FANCB: variants seen among roughly 807,000 people sequenced by gnomAD.
The protein encoded by FANCB is FA complementation group B.
FANCB carries 5 observed loss-of-function variants against 38.9 expected under a neutral mutation model. The observed-to-expected ratio is 0.13, with a 90% CI of 0.07 to 0.27. FANCB has a LOEUF of 0.27. FANCB is among the 10% of genes least tolerant of loss of function. The pLI, the probability that FANCB is intolerant of heterozygous loss-of-function variation, is 1.00. For synonymous variants in FANCB, 236 were observed against 215.4 expected (o/e 1.10, Z -0.84); for missense variants, 573 against 602.7 (o/e 0.95, Z 0.52).
the FANCB span, among the ~76,000 whole-genome samples, chrX:14,703,032 T>C: frequency 9.0e-6 from 1 of 111,458 alleles, no homozygotes; most frequent in Non-Finnish European, 1.9e-5. Context: ...CATGGGACCT[T>C]ATAAGTGCAA....
At chrX:14,772,925 C>T in the FANCB span, among the ~76,000 whole-genome samples, 1 of 111,347 alleles carries the variant, frequency 9.0e-6, no homozygotes, top group African/African-American at 3.3e-5. Flanking sequence ...GGTGGGAGTT[C>T]CTTTGGCTCC....
At chrX:14,694,811 G>A in the FANCB span, among the ~76,000 whole-genome samples, 2 of 112,355 alleles carry the variant, frequency 1.8e-5, no homozygotes, top group East Asian at 5.6e-4. Context: ...TGCTTTGGAG[G>A]TAAAACCAAT....
chrX:14,822,809 C>A, the FANCB span, among the ~76,000 whole-genome samples: 1 of 111,395 alleles, frequency 9.0e-6, no homozygotes, highest in Non-Finnish European at 1.9e-5. Context: ...TTCCTATTAA[C>A]TTTATTTCTA....
the FANCB span, among the ~76,000 whole-genome samples, chrX:14,826,954 C>G: frequency 9.0e-6 from 1 of 111,486 alleles, no homozygotes; most frequent in African/African-American, 3.3e-5. Flanking sequence ...CTGATAGGCA[C>G]ATCCCTTCCT....
chrX:14,813,484 C>A, the FANCB span, among the ~76,000 whole-genome samples: 1 of 111,639 alleles, frequency 9.0e-6, no homozygotes, highest in South Asian at 3.7e-4. Flanking sequence ...GATACAAAAT[C>A]AATGTACAAA....
chrX:14,804,718 C>G, the FANCB span, among the ~76,000 whole-genome samples: 1 of 112,107 alleles, frequency 8.9e-6, no homozygotes, highest in Non-Finnish European at 1.9e-5. Context: ...ACATCTTCTA[C>G]CTTCAAATGC....
the FANCB span, among the ~76,000 whole-genome samples, chrX:14,809,952 C>A: frequency 1.8e-5 from 2 of 112,012 alleles, no homozygotes; most frequent in African/African-American, 6.5e-5. Context: ...CAGACTGACA[C>A]CTCACACGGC....
At chrX:14,831,639 C>T (rs988566566), downstream of FANCB, among the ~76,000 whole-genome samples, 3 of 110,708 alleles carry the variant, frequency 2.7e-5, no homozygotes, top group African/African-American at 9.9e-5. Flanking sequence ...CTAGATGACA[C>T]CATACCTTGC....
At chrX:14,863,630 T>TA (rs2092455801) in intron 3 of FANCB, among the ~76,000 whole-genome samples, 1 of 111,877 alleles carries the variant, frequency 8.9e-6, no homozygotes, top group Non-Finnish European at 1.9e-5. Context: ...TTTCCAAACT[T>TA]AAAAAAGTGA....
At chrX:14,696,144 AG>A in the FANCB span, among the ~76,000 whole-genome samples, 1 of 102,466 alleles carries the variant, frequency 9.8e-6, no homozygotes, top group African/African-American at 3.5e-5. Context: ...GGAAGAAGGA[AG>A]GAAGAAAGAA....
the FANCB span, among the ~76,000 whole-genome samples, chrX:14,784,199 G>A: frequency 1.8e-5 from 2 of 112,357 alleles, no homozygotes; most frequent in Non-Finnish European, 3.8e-5. Context: ...AACAAGAAGC[G>A]AAACTCAGTC....
the FANCB span, among the ~76,000 whole-genome samples, chrX:14,761,776 C>T: frequency 9.0e-6 from 1 of 111,420 alleles, no homozygotes; most frequent in Admixed American, 9.5e-5. Flanking sequence ...CCACAAGTAT[C>T]ATCACTTTCC....
the FANCB span, among the ~76,000 whole-genome samples, chrX:14,710,304 TAAGAGGGA>T: frequency 9.0e-6 from 1 of 111,711 alleles, no homozygotes; most frequent in African/African-American, 3.3e-5. Context: ...AATTGAGCAG[TAAGAGGGA>T]AGAGGGGAAA....
At chrX:14,780,830 A>T in the FANCB span, among the ~76,000 whole-genome samples, 3 of 107,668 alleles carry the variant, frequency 2.8e-5, no homozygotes, top group African/African-American at 1.1e-4. Context: ...TTTTCCAACC[A>T]TTAAAAAAAT....
At chrX:14,730,385 C>T in the FANCB span, 16 of 1,203,571 alleles carry the variant, frequency 1.3e-5, no homozygotes, top group South Asian at 1.8e-5. Context: ...AGGATTGACA[C>T]GATATCTCGA....
At chrX:14,849,406 C>T (rs1036734981) in intron 7 of FANCB, among the ~76,000 whole-genome samples, 1 of 111,822 alleles carries the variant, frequency 8.9e-6, no homozygotes, top group Non-Finnish European at 1.9e-5. Flanking sequence ...GTCTGGCTCC[C>T]TTACTGTGTT....
At position 14,843,627 on chromosome X, in the gene FANCB, C is replaced by T. The variant is rs752337343; in HGVS notation, c.2520G>A (p.Leu840=). 8.3e-7 allele frequency: 1 copy of T among 1,207,971 alleles called. No homozygotes were observed. Among genetic ancestry groups the T allele is most frequent in the Admixed American group, 2.2e-5 (1 of 45,632 alleles). The change falls in exon 10 of 10, where the codon TTG becomes TTA. Residue 840 remains leucine (L), a synonymous_variant. Coordinates refer to ENST00000650831, the MANE Select transcript of FANCB (RefSeq NM_001018113.3). ...ATTTCAACTGAACCTCAGCTACTTT[C>T]AAAGTTATTTCTCTGTAAAGGGCAC... The part of the protein sequence containing the change: ...VSGALYREIT[L]KVAEVQLKSD...
chrX:14,815,772 A>T, the FANCB span, among the ~76,000 whole-genome samples: 1 of 112,418 alleles, frequency 8.9e-6, no homozygotes, highest in Non-Finnish European at 1.9e-5. Flanking sequence ...CCTGTCTAAG[A>T]ACAGATGACT....
chrX:14,761,911 A>C, the FANCB span, among the ~76,000 whole-genome samples: 7 of 111,737 alleles, frequency 6.3e-5, no homozygotes, highest in South Asian at 2.7e-3. Flanking sequence ...TCAATGTATA[A>C]AAATATAGTA....
Sources: allele counts gnomAD v4.1 joint callset (sites outside exome capture counted in the v4.1 genomes callset), GRCh38; gene constraint gnomAD v4.1.1; transcripts MANE v1.5; gene names NCBI Gene and HGNC (gene_info 2026-07-23, HGNC 2026-07-21).